Variants in REC114 observed in about 807,000 individuals in gnomAD.
REC114 encodes the protein REC114 meiotic recombination protein, also known as meiotic recombination protein REC114.
Under a neutral mutation model 31.3 loss-of-function variants are expected in REC114, and 27 were observed. The observed-to-expected ratio is 0.86, with a 90% CI of 0.64 to 1.19. The LOEUF is 1.19. Among genes scored for constraint, REC114 ranks in the 50% most tolerant of loss-of-function variants. The pLI, the probability that REC114 is intolerant of heterozygous loss-of-function variation, is 0.00. For missense variants in REC114, 344 were observed against 326.9 expected, an observed-to-expected ratio of 1.05 and a Z score of -0.40; for synonymous variants, 134 against 127.7, an observed-to-expected ratio of 1.05 and a Z score of -0.33.
intron 2 of REC114, among the ~76,000 whole-genome samples, chr15:73,538,616 C>T (rs894192362): frequency 5.3e-5 from 8 of 151,930 alleles, no homozygotes; most frequent in Non-Finnish European, 1.2e-4. Context: ...GCCACCGCAC[C>T]CAGCTAATTT....
At chr15:73,464,975 T>A (rs1893037812) in intron 1 of REC114, among the ~76,000 whole-genome samples, 1 of 152,194 alleles carries the variant, frequency 6.6e-6, no homozygotes, top group South Asian at 2.1e-4. Flanking sequence ...CACTGCAACC[T>A]CTGCCTCCCA....
At chr15:73,531,492 C>G (rs1595878850) in intron 2 of REC114, among the ~76,000 whole-genome samples, 1 of 152,174 alleles carries the variant, frequency 6.6e-6, no homozygotes. Context: ...TTGAGATTCT[C>G]TTTATATGAA....
At chr15:73,457,933 G>T (rs543424842) in intron 1 of REC114, among the ~76,000 whole-genome samples, 1 of 152,280 alleles carries the variant, frequency 6.6e-6, no homozygotes, top group East Asian at 1.9e-4. Context: ...TTGAGTACAG[G>T]ATTACAAGGA....
chr15:73,484,582 T>C (rs2141298850), intron 2 of REC114, among the ~76,000 whole-genome samples: 1 of 152,338 alleles, frequency 6.6e-6, no homozygotes, highest in Non-Finnish European at 1.5e-5. Context: ...GATCTACCTT[T>C]TGTCAGCATC....
chr15:73,532,319 A>G lies in REC114; in HGVS notation c.250-8166A>G, dbSNP rs529838707. On this transcript the variant is annotated intron_variant, in intron 2 of 5. Transcript: ENST00000331090. The stretch of plus-strand genomic sequence containing the variant: ...TCCCTACAAAGGACATGAACTCATC[A>G]TTTTTTATGGCTGCATAGTATTCCA... 5.4e-3 allele frequency among the ~76,000 whole-genome samples: 783 copies of G among 145,892 alleles called. 6 individuals carry two copies. The highest frequency in any genetic ancestry group is 0.019 in the African/African-American group (747 of 38,826).
At chr15:73,501,898 C>T (rs145708899) in intron 2 of REC114, among the ~76,000 whole-genome samples, 7 of 152,110 alleles carry the variant, frequency 4.6e-5, no homozygotes, top group Non-Finnish European at 1.0e-4. Context: ...TGTGCAGTTC[C>T]GGAGTAGAGT....
At chr15:73,543,688 G>C (rs972849781) in intron 3 of REC114, among the ~76,000 whole-genome samples, 1 of 151,904 alleles carries the variant, frequency 6.6e-6, no homozygotes, top group Non-Finnish European at 1.5e-5. Flanking sequence ...ATTTTTTTCT[G>C]AATTAGTTTA....
At chr15:73,495,240 C>A (rs1893502583) in intron 2 of REC114, among the ~76,000 whole-genome samples, 1 of 151,948 alleles carries the variant, frequency 6.6e-6, no homozygotes, top group Non-Finnish European at 1.5e-5. Flanking sequence ...CTTCTTTTTT[C>A]ATTTCCTAGC....
chr15:73,501,779 T>C (rs771764127), intron 2 of REC114, among the ~76,000 whole-genome samples: 1 of 152,160 alleles, frequency 6.6e-6, no homozygotes, highest in South Asian at 2.1e-4. Context: ...CAGAATTGAC[T>C]CACTTTTAAG....
chr15:73,525,752 A>G (rs1009951525), intron 2 of REC114, among the ~76,000 whole-genome samples: 4 of 152,128 alleles, frequency 2.6e-5, no homozygotes, highest in Non-Finnish European at 5.9e-5. Context: ...TCTTTATGGA[A>G]GGTATGCATA....
At chr15:73,458,529 A>G (rs1358685931) in intron 1 of REC114, among the ~76,000 whole-genome samples, 1 of 152,224 alleles carries the variant, frequency 6.6e-6, no homozygotes, top group East Asian at 1.9e-4. Context: ...TCTGAGTGAC[A>G]TATAACAGTG....
chr15:73,484,480 A>G (rs1436291720), intron 2 of REC114, among the ~76,000 whole-genome samples: 1 of 152,224 alleles, frequency 6.6e-6, no homozygotes, highest in Non-Finnish European at 1.5e-5. Context: ...TCTCAAATTC[A>G]TTCTTTAAAA....
At chr15:73,524,048 T>C (rs1893974475) in intron 2 of REC114, among the ~76,000 whole-genome samples, 1 of 152,246 alleles carries the variant, frequency 6.6e-6, no homozygotes, top group African/African-American at 2.4e-5. Flanking sequence ...GTGAAAAATC[T>C]ATACAAGGAT....
chr15:73,501,642 G>A (rs778941205), intron 2 of REC114, among the ~76,000 whole-genome samples: 10 of 152,012 alleles, frequency 6.6e-5, no homozygotes, highest in Non-Finnish European at 1.0e-4. Flanking sequence ...CTGGGGTTTC[G>A]TCATGTTGGC....
chr15:73,464,706 A>G (rs1428410909), intron 1 of REC114, among the ~76,000 whole-genome samples: 1 of 152,154 alleles, frequency 6.6e-6, no homozygotes, highest in African/African-American at 2.4e-5. Flanking sequence ...GCCCATCTTC[A>G]TGAGGTCCAC....
At chr15:73,493,539 T>C (rs900503781) in intron 2 of REC114, among the ~76,000 whole-genome samples, 1 of 152,180 alleles carries the variant, frequency 6.6e-6, no homozygotes, top group African/African-American at 2.4e-5. Context: ...TTATTTATCC[T>C]CATGCATGGA....
At chr15:73,524,772 A>AT (rs1284746352) in intron 2 of REC114, among the ~76,000 whole-genome samples, 1 of 151,926 alleles carries the variant, frequency 6.6e-6, no homozygotes, top group African/African-American at 2.4e-5. Flanking sequence ...TAATTTTTGT[A>AT]TTTTTGAATA....
intron 3 of REC114, 94 bp from the exon 4 acceptor site, chr15:73,550,844 C>A: frequency 1.7e-6 from 2 of 1,187,324 alleles, no homozygotes; most frequent in Non-Finnish European, 1.2e-6. Flanking sequence ...ATACCTCTTC[C>A]TCCGCCAAGC....
intron 2 of REC114, among the ~76,000 whole-genome samples, chr15:73,526,211 C>T (rs1435346650): frequency 6.6e-6 from 1 of 152,070 alleles, no homozygotes; most frequent in Non-Finnish European, 1.5e-5. Context: ...TGTTTCTTTA[C>T]ATTCAAAATG....
Sources: allele counts gnomAD v4.1 joint callset (sites outside exome capture counted in the v4.1 genomes callset), GRCh38; gene constraint gnomAD v4.1.1; transcripts MANE v1.5; gene names NCBI Gene and HGNC (gene_info 2026-07-23, HGNC 2026-07-21).